Variants in CCSER1 observed in about 807,000 individuals in gnomAD.
The protein encoded by CCSER1 is serine-rich coiled-coil domain-containing protein 1.
In CCSER1, 41 loss-of-function variants were observed where a neutral mutation model predicts 82.0. The ratio of observed to expected loss-of-function variants is 0.50; its 90% CI spans 0.39 to 0.65. The LOEUF is 0.65. Among genes scored for constraint, CCSER1 ranks in the 30% least tolerant of loss-of-function variants. The pLI, the probability that CCSER1 is intolerant of heterozygous loss-of-function variation, is 0.00. For synonymous variants in CCSER1, 414 were observed against 383.9 expected (o/e 1.08, Z -0.92); for missense variants, 1,119 against 1,064.2 (o/e 1.05, Z -0.72).
At chr4:91,558,370 T>C (rs532631894) in intron 10 of CCSER1, among the ~76,000 whole-genome samples, 4 of 151,848 alleles carry the variant, frequency 2.6e-5, no homozygotes, top group Admixed American at 1.3e-4. Context: ...GAACCATCAA[T>C]GAATTTAGAG....
chr4:91,395,311 G>A (rs1451973552), intron 10 of CCSER1, among the ~76,000 whole-genome samples: 2 of 151,992 alleles, frequency 1.3e-5, no homozygotes, highest in Non-Finnish European at 2.9e-5. Flanking sequence ...ACCATCACCC[G>A]TGCCCAAATA....
chr4:90,277,780 T>C (rs1269749909), intron 1 of CCSER1, among the ~76,000 whole-genome samples: 3 of 152,034 alleles, frequency 2.0e-5, no homozygotes, highest in African/African-American at 7.2e-5. Context: ...GGCAATAATT[T>C]ATGACTAAGT....
At chr4:90,222,610 A>G (rs1350197950) in intron 1 of CCSER1, among the ~76,000 whole-genome samples, 1 of 152,156 alleles carries the variant, frequency 6.6e-6, no homozygotes, top group Non-Finnish European at 1.5e-5. Context: ...TGTTATCTAA[A>G]TTTCAAAGTG....
intron 10 of CCSER1, among the ~76,000 whole-genome samples, chr4:91,596,004 A>C (rs985917856): frequency 6.6e-6 from 1 of 150,982 alleles, no homozygotes; most frequent in African/African-American, 2.4e-5. Context: ...AAAACAAACT[A>C]TGCTAAATAA....
At chr4:90,801,431 A>G (rs1335842157) in intron 7 of CCSER1, among the ~76,000 whole-genome samples, 1 of 152,122 alleles carries the variant, frequency 6.6e-6, no homozygotes, top group African/African-American at 2.4e-5. Flanking sequence ...AGGTGGTATT[A>G]TTATTTTTTG....
chr4:91,050,563 A>G (rs1581427127), intron 9 of CCSER1, among the ~76,000 whole-genome samples: 2 of 152,216 alleles, frequency 1.3e-5, no homozygotes, highest in East Asian at 3.8e-4. Flanking sequence ...TTGATAACAT[A>G]AATTTTGTAT....
chr4:90,393,127 A>AT (rs1171027250), intron 3 of CCSER1, among the ~76,000 whole-genome samples: 2 of 152,072 alleles, frequency 1.3e-5, no homozygotes, highest in African/African-American at 2.4e-5. Context: ...TACATCTCTC[A>AT]TTTTTTTGCA....
intron 10 of CCSER1, among the ~76,000 whole-genome samples, chr4:91,458,292 A>G (rs1157257184): frequency 2.0e-5 from 3 of 152,062 alleles, no homozygotes; most frequent in African/African-American, 4.8e-5. Context: ...AGAGCAATGT[A>G]TGTTCTTGGT....
chr4:91,544,612 G>C (rs1043822345), intron 10 of CCSER1, among the ~76,000 whole-genome samples: 6 of 152,158 alleles, frequency 3.9e-5, no homozygotes, highest in Admixed American at 2.0e-4. Flanking sequence ...CACCAGTGGA[G>C]GCTGCAGAAC....
chr4:91,043,190 C>A (rs1742123428), intron 9 of CCSER1, among the ~76,000 whole-genome samples: 1 of 151,816 alleles, frequency 6.6e-6, no homozygotes, highest in Non-Finnish European at 1.5e-5. Context: ...TAGTATTTAT[C>A]TAATTACAGT....
chr4:90,940,075 T>A (rs1731410303), intron 9 of CCSER1, among the ~76,000 whole-genome samples: 1 of 152,172 alleles, frequency 6.6e-6, no homozygotes, highest in Non-Finnish European at 1.5e-5. Flanking sequence ...GAAGCAAGAA[T>A]TCAATTGAAG....
At chr4:90,183,119 C>A (rs556989539) in intron 1 of CCSER1, among the ~76,000 whole-genome samples, 48 of 151,860 alleles carry the variant, frequency 3.2e-4, no homozygotes, top group Non-Finnish European at 5.3e-4. Flanking sequence ...AATTGGTAGA[C>A]CTTGAGGAAA....
rs140888215 is a variant in CCSER1, at chr4:91,053,701, G to A, written c.2173-32249G>A. 7.7e-3 allele frequency among the ~76,000 whole-genome samples: 1,175 copies of A among 152,274 alleles called. 11 individuals are homozygous for A. Among genetic ancestry groups the A allele is most frequent in the South Asian group, 0.017 (82 of 4,816 alleles). On this transcript the variant is annotated intron_variant, in intron 9 of 10. Transcript: ENST00000509176. ...TGTCCGGATTCCTGGGAAACATCCC[G>A]AACTATTCTATGGATAAGTGAGCCT...
chr4:90,292,114 C>T (rs565131302), intron 1 of CCSER1, among the ~76,000 whole-genome samples: 1 of 151,898 alleles, frequency 6.6e-6, no homozygotes, highest in Non-Finnish European at 1.5e-5. Flanking sequence ...CTAATTTTAT[C>T]ATATACCAGA....
At chr4:90,743,197 G>C (rs996834998) in intron 7 of CCSER1, among the ~76,000 whole-genome samples, 1 of 152,138 alleles carries the variant, frequency 6.6e-6, no homozygotes, top group Non-Finnish European at 1.5e-5. Flanking sequence ...AAGAAGGAAA[G>C]GTACAATGTG....
chr4:90,853,042 A>G (rs889137922), intron 8 of CCSER1, among the ~76,000 whole-genome samples: 1 of 152,124 alleles, frequency 6.6e-6, no homozygotes, highest in East Asian at 1.9e-4. Flanking sequence ...AAAGTACGGA[A>G]TAAAGAAGTA....
At chr4:90,559,069 T>C (rs1403453138) in intron 5 of CCSER1, among the ~76,000 whole-genome samples, 1 of 152,278 alleles carries the variant, frequency 6.6e-6, no homozygotes, top group East Asian at 1.9e-4. Flanking sequence ...CCAGGGTCCA[T>C]TGCACTCCTT....
chr4:91,408,515 A>AAT (rs1433866224), intron 10 of CCSER1, among the ~76,000 whole-genome samples: 9 of 152,180 alleles, frequency 5.9e-5, no homozygotes, highest in Admixed American at 5.9e-4. Flanking sequence ...TCCTATTTTT[A>AAT]ATACTGAATC....
rs188383417 is a variant in CCSER1 at position 90,547,526 on chromosome 4, G to T, written c.1724+79172G>T. 2.3e-3 allele frequency among the ~76,000 whole-genome samples: 345 copies of T among 151,394 alleles called. 1 individual carries two copies. Among genetic ancestry groups the T allele is most frequent in the Admixed American group, 3.7e-3 (57 of 15,248 alleles). On this transcript the variant is annotated intron_variant, in intron 5 of 10. Coordinates refer to ENST00000509176, the MANE Select transcript of CCSER1 (RefSeq NM_001145065.2). ...TTTTTTTCTACCTGAACTGTCTTAT[G>T]GACTAGGTAAACTTAAACACGTATC...
Sources: allele counts gnomAD v4.1 joint callset (sites outside exome capture counted in the v4.1 genomes callset), GRCh38; gene constraint gnomAD v4.1.1; transcripts MANE v1.5; gene names NCBI Gene and HGNC (gene_info 2026-07-23, HGNC 2026-07-21).